VPS13C: variants seen among roughly 807,000 people sequenced by gnomAD.
VPS13C encodes the protein intermembrane lipid transfer protein VPS13C.
VPS13C carries 358 observed loss-of-function variants against 456.8 expected under a neutral mutation model. The ratio of observed to expected loss-of-function variants is 0.78; its 90% CI spans 0.72 to 0.86. The LOEUF is 0.86. VPS13C is among the 40% of genes least tolerant of loss of function. The pLI, the probability that VPS13C is intolerant of heterozygous loss-of-function variation, is 0.00. For missense variants in VPS13C, 4,818 were observed against 4,385.4 expected (o/e 1.10, Z -2.79); for synonymous variants, 1,578 against 1,486.7 (o/e 1.06, Z -1.41).
chr15:62,018,249 T>A (rs1434294398), intron 9 of VPS13C, among the ~76,000 whole-genome samples: 1 of 152,142 alleles, frequency 6.6e-6, no homozygotes, highest in African/African-American at 2.4e-5. Flanking sequence ...CAATTTGACT[T>A]CCTCTTTTCC....
At chr15:62,048,232 T>A (rs2048489396) in intron 1 of VPS13C, among the ~76,000 whole-genome samples, 2 of 147,570 alleles carry the variant, frequency 1.4e-5, no homozygotes, top group South Asian at 4.5e-4. Context: ...ATTAGATATA[T>A]CTCCTAATGC....
rs771285598 is a variant in VPS13C at position 62,008,604 on chromosome 15, A to C, written c.1118+51T>G. ...AGGTTGCTTAACTCTGAGAGTAACT[A>C]AATATATGATTATATGTTCCTCACA... On this transcript the variant is annotated intron_variant, in intron 14 of 84. Transcript: ENST00000644861. 2.3e-6 allele frequency: 3 copies of C among 1,331,032 alleles called. No individual in the cohort carries two copies. In the African/African-American group the frequency reaches 4.5e-5, roughly 20 times the overall value. The allele number at this position is 1,331,032 out of a possible 1,614,324, so 82.5% of individuals were successfully genotyped here.
chr15:62,033,316 A>AT (rs754311604), intron 5 of VPS13C, 125 bp downstream of exon 5: 23 of 512,938 alleles, frequency 4.5e-5, no homozygotes, highest in East Asian at 2.1e-4. Context: ...ATATTTTGAG[A>AT]TTAAAAAAAA....
chr15:61,892,590 G>C (rs530504962), intron 66 of VPS13C, among the ~76,000 whole-genome samples: 1 of 152,052 alleles, frequency 6.6e-6, no homozygotes, highest in Non-Finnish European at 1.5e-5. Flanking sequence ...AGCCATAGAC[G>C]CATGTCCACA....
chr15:61,854,151 C>G lies in VPS13C; in HGVS notation c.*306G>C. On this transcript the variant is annotated 3_prime_UTR_variant, in exon 85 of 85. Transcript: ENST00000644861. Reference sequence around the variant, plus strand: ...AGTAAGGCTTTAATTAAATATAAGCCTATTGACCTTTGCTTCACAATTTTA... The same window carrying G: ...AGTAAGGCTTTAATTAAATATAAGCGTATTGACCTTTGCTTCACAATTTTA... The G allele has an allele frequency of 2.6e-6, 1 of 388,218 alleles. No homozygotes were observed. The highest frequency in any genetic ancestry group is 4.7e-6 in the Non-Finnish European group (1 of 212,196). The allele number at this position is 388,218 out of a possible 1,614,324, so 24.0% of individuals were successfully genotyped here.
At chr15:61,917,094 C>T (rs760536104) in intron 60 of VPS13C, among the ~76,000 whole-genome samples, 8 of 152,064 alleles carry the variant, frequency 5.3e-5, no homozygotes, top group Non-Finnish European at 1.2e-4. Flanking sequence ...TAAAATGGGC[C>T]TGATAATAGT....
rs757791716 is a variant in VPS13C at position 61,875,832 on chromosome 15, A to G, written c.10238T>C (p.Met3413Thr). ...ATCTAACCCCAATACAAGGACATAC[A>G]TCTGTTTCAAGAACTAAAAAAGAAA... The part of the protein sequence containing the change: ...RHYSEQFLKQ[M>T]YVLVLGLDVL... Residue 3413 changes from methionine to threonine, a missense_variant, in exon 76 of 85, where the codon ATG becomes ACG. Physicochemically the swap from Met to Thr is moderately conservative, Grantham distance 81. Coordinates refer to ENST00000644861, the MANE Select transcript of VPS13C (RefSeq NM_020821.3). The G allele has an allele frequency of 1.1e-5, 17 of 1,584,458 alleles. No homozygotes were observed. The South Asian group carries it at 1.3e-4, about 12-fold the overall frequency.
intron 5 of VPS13C, among the ~76,000 whole-genome samples, chr15:62,032,058 G>A (rs1035264375): frequency 8.6e-5 from 13 of 151,756 alleles, no homozygotes; most frequent in African/African-American, 3.1e-4. Flanking sequence ...TTATGTAATT[G>A]TAAATGATAA....
chr15:61,930,990 G>C, intron 50 of VPS13C, 100 bp downstream of exon 50: 1 of 1,369,284 alleles, frequency 7.3e-7, no homozygotes, highest in South Asian at 1.2e-5. Flanking sequence ...CCAAAAGACA[G>C]AGATCTTTTT....
chr15:62,048,901 C>T (rs1415572127), intron 1 of VPS13C, among the ~76,000 whole-genome samples: 8 of 151,732 alleles, frequency 5.3e-5, no homozygotes, highest in Admixed American at 4.6e-4. Context: ...TAAATGTCTT[C>T]TTTTGAGAAG....
At chr15:61,984,826 T>C (rs1226829831) in intron 19 of VPS13C, 31 bp downstream of exon 19, 27 of 1,602,932 alleles carry the variant, frequency 1.7e-5, no homozygotes, top group Non-Finnish European at 2.3e-5. Flanking sequence ...TAACTAAAAG[T>C]AAAAATTGAA....
chr15:62,041,558 C>G (rs1263452093), intron 2 of VPS13C, among the ~76,000 whole-genome samples, 192 bp from the exon 3 acceptor site: 2 of 152,164 alleles, frequency 1.3e-5, no homozygotes, highest in African/African-American at 4.8e-5. Flanking sequence ...TGGCTCACAC[C>G]TGTAATCCCA....
chr15:62,034,793 T>C (rs12905648), intron 4 of VPS13C, among the ~76,000 whole-genome samples, 164 bp downstream of exon 4: 2 of 151,896 alleles, frequency 1.3e-5, no homozygotes, highest in Admixed American at 1.3e-4. Context: ...GTAAGATATA[T>C]GTGCATACAT....
In VPS13C at chr15:61,983,809, C is replaced by A. The variant is rs772391742; in HGVS notation, c.1914+11G>T. On this transcript the variant is annotated intron_variant, in intron 20 of 84. Coordinates refer to ENST00000644861, the MANE Select transcript of VPS13C (RefSeq NM_020821.3). ...GATTTAAATAAAGAGTTACTTTCTC[C>A]TTGCACTTACAGCATCATAGATGAC... The A allele has an allele frequency of 1.9e-6, 3 of 1,611,884 alleles. No homozygotes were observed. The African/African-American group carries it at 4.0e-5, about 22-fold the overall frequency.
intron 11 of VPS13C, 71 bp from the exon 12 acceptor site, chr15:62,012,235 C>G (rs1276976933): frequency 1.5e-6 from 1 of 679,684 alleles, no homozygotes; most frequent in African/African-American, 1.9e-5. Flanking sequence ...CACACACACA[C>G]ACACACACAC....
intron 57 of VPS13C, 107 bp downstream of exon 57, chr15:61,919,960 G>A (rs1264879907): frequency 9.0e-7 from 1 of 1,113,752 alleles, no homozygotes; most frequent in Non-Finnish European, 1.2e-6. Flanking sequence ...TGTTTCAAAT[G>A]TTGTATCTCC....
At chr15:61,974,150 T>A in intron 25 of VPS13C, 138 bp downstream of exon 25, 1 of 869,324 alleles carries the variant, frequency 1.2e-6, no homozygotes, top group African/African-American at 1.7e-5. Flanking sequence ...TTAAAACACA[T>A]TATAAATTTG....
rs2045255556 is a variant in VPS13C at position 61,962,813 on chromosome 15, G to T, written c.3371C>A (p.Ser1124Ter). 6.2e-7 allele frequency: 1 copy of T among 1,606,992 alleles called. No homozygotes were observed. Among genetic ancestry groups the T allele is most frequent in the South Asian group, 1.1e-5 (1 of 89,784 alleles). The change falls in exon 33 of 85, where the codon TCA becomes TAA. Residue 1124 changes from serine (S) to a stop codon, truncating the protein, a stop_gained. Coordinates refer to ENST00000644861, the MANE Select transcript of VPS13C (RefSeq NM_020821.3). LOFTEE classifies it high-confidence loss of function. ...AATATTTTCTAGTCGGGCAAAAAGT[G>T]ACTGCTTTCTTGACTGGAGAGAAAG... ...SSLSLQSRKQ[S>*]LFARLENIIV...
chr15:61,952,084 CACA>C lies in VPS13C; in HGVS notation c.4300-107_4300-105del, dbSNP rs2044819059. ...CAGAGTGATATAAGGAAGAAATTCA[CACA>C]ATGTTAAGATGTGTACTTCTATTTG... On this transcript the variant is annotated intron_variant, in intron 38 of 84. Coordinates refer to ENST00000644861, the MANE Select transcript of VPS13C (RefSeq NM_020821.3). The C allele has an allele frequency of 4.6e-6, 6 of 1,302,824 alleles. No individual in the cohort carries two copies. The South Asian group carries it at 9.0e-5, about 19-fold the overall frequency. The allele number at this position is 1,302,824 out of a possible 1,614,324, so 80.7% of individuals were successfully genotyped here. A position where few individuals can be genotyped will look rare whatever the true frequency, so the allele number is the denominator to read the frequency against.
Sources: allele counts gnomAD v4.1 joint callset (sites outside exome capture counted in the v4.1 genomes callset), GRCh38; gene constraint gnomAD v4.1.1; transcripts MANE v1.5; gene names NCBI Gene and HGNC (gene_info 2026-07-23, HGNC 2026-07-21).